The following ARCN1 variants were observed in gnomAD, a reference collection of about 807,000 sequenced individuals.
ARCN1 encodes archain 1 coat protein complex I subunit delta.
A neutral mutation model predicts 60.4 loss-of-function variants in ARCN1; 5 were observed. The ratio of observed to expected loss-of-function variants is 0.08; its 90% CI spans 0.04 to 0.17. ARCN1 has a LOEUF of 0.17. Among genes scored for constraint, ARCN1 ranks in the 10% least tolerant of loss-of-function variants. The pLI, the probability that ARCN1 is intolerant of heterozygous loss-of-function variation, is 1.00. For synonymous variants in ARCN1, 224 were observed against 220.0 expected (o/e 1.02, Z -0.16); for missense variants, 464 against 626.5 (o/e 0.74, Z 2.77).
Position 118,601,718 on chromosome 11 carries a change from T to C in ARCN1, c.*1004T>C, listed in dbSNP as rs1555078186. On this transcript the variant is annotated 3_prime_UTR_variant, in exon 10 of 10. Transcript: ENST00000264028. ...GTTGTTTTCCTTTCAGGGCCTGTCC[T>C]TCCAGTTTAGAACAGTACCATGAAT... 1 of 702,922 alleles carries C rather than the reference T, an allele frequency of 1.4e-6. No homozygotes were observed. Among genetic ancestry groups the C allele is most frequent in the Non-Finnish European group, 2.6e-6 (1 of 384,998 alleles). 43.5% of individuals were successfully genotyped at this position (702,922 alleles called of 1,614,324 possible).
At position 118,583,983 on chromosome 11, in the gene ARCN1, G is replaced by A; in HGVS notation, c.622G>A (p.Asp208Asn). The A allele has an allele frequency of 6.2e-7, 1 of 1,614,156 alleles. No homozygotes were observed. Among genetic ancestry groups the A allele is most frequent in the Non-Finnish European group, 8.5e-7 (1 of 1,180,028 alleles). ...GATCACAGAGACCATCATTGAAACT[G>A]ATAAACCAAAAGTGGCACCTGCACC... ...AMITETIIETDKPKVAPAPAR... is the reference protein window; with the variant it reads ...AMITETIIETNKPKVAPAPAR... Residue 208 changes from aspartate to asparagine, a missense_variant, in exon 4 of 10, where the codon GAT becomes AAT. Asp to Asn is a conservative substitution (Grantham distance 23). This residue lies in a region of ARCN1 where 359 missense variants were observed against 440.2 expected (regional missense o/e 0.82). Transcript: ENST00000264028.
intron 1 of ARCN1, chr11:118,573,070 A>G: frequency 6.2e-6 from 1 of 160,304 alleles, no homozygotes; most frequent in South Asian, 1.8e-4. Flanking sequence ...AGAAGGGGGA[A>G]ATGGAGACAC....
intron 5 of ARCN1, among the ~76,000 whole-genome samples, chr11:118,585,015 A>G (rs1307056635): frequency 6.6e-6 from 1 of 151,276 alleles, no homozygotes; most frequent in African/African-American, 2.4e-5. Flanking sequence ...TTTAGTAGAG[A>G]TGGGGTTTCG....
At chr11:118,577,617 C>T (rs1442252447) in intron 1 of ARCN1, among the ~76,000 whole-genome samples, 2 of 152,142 alleles carry the variant, frequency 1.3e-5, no homozygotes, top group Admixed American at 1.3e-4. Context: ...TGAATTTCCA[C>T]GCACTTTATC....
intron 8 of ARCN1, chr11:118,594,004 C>T (rs1398108196): frequency 1.8e-5 from 4 of 220,726 alleles, no homozygotes; most frequent in African/African-American, 6.8e-5. Context: ...GCTTTGGCAG[C>T]ACAGGTACTA....
rs1266816606 is a variant in ARCN1, at chr11:118,602,385, G to A, written c.*1671G>A. The stretch of plus-strand genomic sequence containing the variant: ...TAACTCAATATTCCAGTCCATAGGG[G>A]TGGTTAAAAGTTGCTGCAAGGCTGC... On this transcript the variant is annotated 3_prime_UTR_variant, in exon 10 of 10. Coordinates refer to ENST00000264028, the MANE Select transcript of ARCN1 (RefSeq NM_001655.5). 1 of 153,762 alleles carries A rather than the reference G, an allele frequency of 6.5e-6. No individual in the cohort carries two copies. Among genetic ancestry groups the A allele is most frequent in the Non-Finnish European group, 1.5e-5 (1 of 68,088 alleles). The allele number at this position is 153,762 out of a possible 1,614,324, so 9.5% of individuals were successfully genotyped here. A position where few individuals can be genotyped will look rare whatever the true frequency, so the allele number is the denominator to read the frequency against.
Position 118,601,630 on chromosome 11 carries a change from TA to T in ARCN1, c.*920del. Reference sequence around the variant, plus strand: ...TTTGAGGGGTATGGGGTCTAGAAGTTAAAAGATACGCATGTCTTCTGTTCTT... The same window carrying T: ...TTTGAGGGGTATGGGGTCTAGAAGTTAAAGATACGCATGTCTTCTGTTCTT... On this transcript the variant is annotated 3_prime_UTR_variant, in exon 10 of 10. Transcript: ENST00000264028. 1 of 703,014 alleles carries T rather than the reference TA, an allele frequency of 1.4e-6. No homozygotes were observed. Among genetic ancestry groups the T allele is most frequent in the Non-Finnish European group, 2.6e-6 (1 of 385,006 alleles). 43.5% of individuals were successfully genotyped at this position (703,014 alleles called of 1,614,324 possible).
intron 1 of ARCN1, among the ~76,000 whole-genome samples, chr11:118,575,411 GGTGTGT>G (rs56934953): frequency 9.4e-5 from 14 of 149,184 alleles, no homozygotes; most frequent in African/African-American, 2.2e-4. Context: ...ACTGATAACG[GGTGTGT>G]GTGTGTGTGT....
rs144153489 is a variant in ARCN1, at chr11:118,592,045, C to T, written c.985-664C>T. Among the ~76,000 whole-genome samples, 140 of 152,024 alleles carry T rather than the reference C, an allele frequency of 9.2e-4. 4 individuals carry two copies. The East Asian group carries it at 0.012, about 13-fold the overall frequency. On this transcript the variant is annotated intron_variant, in intron 6 of 9. Coordinates refer to ENST00000264028, the MANE Select transcript of ARCN1 (RefSeq NM_001655.5). ...AAGCCATTCTCCTGCCTCAGCCTCT[C>T]GAGTAGGTGGGATTACAGGCGTGCG...
chr11:118,594,445 C>A (rs1379792181), intron 8 of ARCN1, among the ~76,000 whole-genome samples: 1 of 152,006 alleles, frequency 6.6e-6, no homozygotes, highest in Non-Finnish European at 1.5e-5. Flanking sequence ...ACTGCATACA[C>A]TTGTTGAAAT....
intron 7 of ARCN1, 96 bp from the exon 8 acceptor site, chr11:118,593,494 C>G: frequency 1.3e-6 from 1 of 773,940 alleles, no homozygotes. Flanking sequence ...ATCCTACCAC[C>G]TTGGTCCTCT....
At chr11:118,572,836 C>T in intron 1 of ARCN1, 1 of 425,134 alleles carries the variant, frequency 2.4e-6, no homozygotes, top group South Asian at 4.8e-5. Context: ...GGCGTTTTTG[C>T]TCTGCGAGAA....
At chr11:118,594,515 G>T (rs1938983423) in intron 8 of ARCN1, among the ~76,000 whole-genome samples, 1 of 152,162 alleles carries the variant, frequency 6.6e-6, no homozygotes, top group African/African-American at 2.4e-5. Context: ...GAACAAGCCA[G>T]TTGTAGATCT....
intron 6 of ARCN1, among the ~76,000 whole-genome samples, chr11:118,591,473 C>G (rs4936431): frequency 0.039 from 5,996 of 152,268 alleles, 147 homozygotes; most frequent in Non-Finnish European, 0.058. Context: ...TTCACTGCAA[C>G]TTCTGCCTCC....
intron 7 of ARCN1, among the ~76,000 whole-genome samples, chr11:118,593,320 C>T (rs1440882316): frequency 1.3e-5 from 2 of 151,818 alleles, no homozygotes; most frequent in Non-Finnish European, 2.9e-5. Context: ...CCTTGAACTC[C>T]TGGGTTCAGC....
In ARCN1 at chr11:118,600,777, C is replaced by A; in HGVS notation, c.*63C>A. 2 of 1,184,030 alleles carry A rather than the reference C, an allele frequency of 1.7e-6. No individual in the cohort carries two copies. The highest frequency in any genetic ancestry group is 2.4e-6 in the Non-Finnish European group (2 of 821,218). The allele number at this position is 1,184,030 out of a possible 1,614,324, so 73.3% of individuals were successfully genotyped here. ...TTAATAAAGAAGACGCCAATGATGG[C>A]TGAAGAGTTTTTCCCAGATTTACAA... is the stretch of plus-strand genomic sequence containing the variant. On this transcript the variant is annotated 3_prime_UTR_variant, in exon 10 of 10. Coordinates refer to ENST00000264028, the MANE Select transcript of ARCN1 (RefSeq NM_001655.5).
intron 2 of ARCN1, among the ~76,000 whole-genome samples, chr11:118,582,064 C>T (rs1555074731): frequency 6.6e-6 from 1 of 152,066 alleles, no homozygotes; most frequent in African/African-American, 2.4e-5. Flanking sequence ...GAGGCTGAGG[C>T]AGAAGGATTG....
chr11:118,599,148 A>G (rs540746895), intron 9 of ARCN1, among the ~76,000 whole-genome samples: 1 of 150,776 alleles, frequency 6.6e-6, no homozygotes, highest in South Asian at 2.1e-4. Context: ...GCTGGAGTGC[A>G]ATGGCGTGAT....
intron 2 of ARCN1, among the ~76,000 whole-genome samples, chr11:118,581,929 G>GACACACACACACACACACAC (rs1179195532): frequency 0.014 from 1,791 of 132,266 alleles, 51 homozygotes; most frequent in East Asian, 0.068. Flanking sequence ...GAGACAGACA[G>GACACACACACACACACACAC]ACAGACAGAC....
Sources: gnomAD v4.1 joint callset for allele counts (sites outside exome capture counted in the v4.1 genomes callset) on GRCh38, gnomAD v4.1.1 for gene constraint, gnomAD v4.1.1 regional missense constraint, MANE v1.5 for transcripts, NCBI Gene and HGNC (gene_info 2026-07-23, HGNC 2026-07-21) for gene names.